The following CFAP92 variants were observed in gnomAD, a reference collection of about 807,000 sequenced individuals.
CFAP92 encodes the protein uncharacterized protein CFAP92.
Under a neutral mutation model 106.3 loss-of-function variants are expected in CFAP92, and 86 were observed. That is an observed-to-expected ratio of 0.81 (90% CI 0.68 to 0.97). CFAP92 has a LOEUF of 0.97. Ranked by LOEUF, CFAP92 falls within the 50% of genes least tolerant of loss-of-function variation. The pLI is 0.00. For missense variants in CFAP92, 1,204 were observed against 1,283.8 expected (o/e 0.94, Z 0.95); for synonymous variants, 477 against 506.4 (o/e 0.94, Z 0.78).
intron 9 of CFAP92, among the ~76,000 whole-genome samples, chr3:128,951,515 A>C (rs1940802462): frequency 6.6e-6 from 1 of 152,184 alleles, no homozygotes. Flanking sequence ...ATATAAAAAA[A>C]AAATACAAAG....
chr3:129,010,476 T>C, the CFAP92 span, among the ~76,000 whole-genome samples: 9 of 148,510 alleles, frequency 6.1e-5, no homozygotes, highest in East Asian at 1.8e-3. This position sits in a 1 kb window ranked among gnomAD's most constrained non-coding sequence, Gnocchi z 4.3. Context: ...GGCTTTGTTG[T>C]TGGGGGAGGG....
chr3:128,961,938 G>A (rs1319048511), intron 9 of CFAP92, among the ~76,000 whole-genome samples: 18 of 152,238 alleles, frequency 1.2e-4, no homozygotes, highest in East Asian at 7.7e-4. Context: ...GAACCGCAGT[G>A]GCCAGGTGTT....
the CFAP92 span, among the ~76,000 whole-genome samples, chr3:129,011,960 G>A: frequency 1.3e-5 from 2 of 152,224 alleles, no homozygotes; most frequent in Non-Finnish European, 2.9e-5. Context: ...TAAATCAGGG[G>A]CACAGCCAGG....
Position 128,915,378 on chromosome 3 carries a change from T to G in CFAP92, c.3102A>C (p.Pro1034=). ...TESSFQDLKL[P]PIKELNEEWK... ...GGACCTCATTCAGCTCTTTGATGGGTGGCAGCTTGAGATCCTGAAAGCTGC... is the reference window on the plus strand; with the variant it reads ...GGACCTCATTCAGCTCTTTGATGGGGGGCAGCTTGAGATCCTGAAAGCTGC... Residue 1034 remains proline, a synonymous_variant, in exon 14 of 16, where the codon CCA becomes CCC. Coordinates refer to ENST00000645291, the MANE Select transcript of CFAP92 (RefSeq NM_001394090.1). 1 of 1,536,132 alleles carries G rather than the reference T, an allele frequency of 6.5e-7. No homozygotes were observed. Among genetic ancestry groups the G allele is most frequent in the South Asian group, 1.2e-5 (1 of 84,060 alleles).
intron 6 of CFAP92, 100 bp from the exon 7 acceptor site, chr3:128,976,003 T>A: frequency 2.4e-6 from 3 of 1,228,390 alleles, no homozygotes; most frequent in African/African-American, 1.5e-5. Flanking sequence ...GCAGATTTTT[T>A]AAAAACCTCA....
rs201120839 is a variant in CFAP92 at position 128,947,906 on chromosome 3, G to GA, written c.1354-1932dup. Among the ~76,000 whole-genome samples, 72 of 146,354 alleles carry GA rather than the reference G, an allele frequency of 4.9e-4. 1 individual carries two copies. The South Asian group carries it at 0.012, about 24-fold the overall frequency. Reference sequence around the variant, plus strand: ...CTATTAAAGCATTGAGAAGAAAACAGAAAAAAAAAATCCTTCTGACCAGGG... The same window carrying GA: ...CTATTAAAGCATTGAGAAGAAAACAGAAAAAAAAAAATCCTTCTGACCAGGG... On this transcript the variant is annotated intron_variant, in intron 9 of 15. Coordinates refer to ENST00000645291, the MANE Select transcript of CFAP92 (RefSeq NM_001394090.1).
At chr3:128,926,104 A>C (rs1217971567) in intron 12 of CFAP92, among the ~76,000 whole-genome samples, 1 of 152,280 alleles carries the variant, frequency 6.6e-6, no homozygotes, top group Non-Finnish European at 1.5e-5. Context: ...AACTAGATTT[A>C]TTTTAAATGG....
In CFAP92 at chr3:128,975,770, C is replaced by A; in HGVS notation, c.1021+9G>T. ...TATTATAAAATTCCCAAATCCTATC[C>A]TAACTTACTTTGAGACCTTTGTCTG... On this transcript the variant is annotated intron_variant, in intron 7 of 15. Coordinates refer to ENST00000645291, the MANE Select transcript of CFAP92 (RefSeq NM_001394090.1). The A allele has an allele frequency of 6.3e-7, 1 of 1,574,988 alleles. No individual in the cohort carries two copies. The highest frequency in any genetic ancestry group is 1.2e-5 in the South Asian group (1 of 83,998).
chr3:128,942,353 A>C (rs752320651), intron 10 of CFAP92, among the ~76,000 whole-genome samples: 5 of 152,216 alleles, frequency 3.3e-5, no homozygotes, highest in Non-Finnish European at 7.3e-5. Context: ...ATGCAAGCAC[A>C]CTGCAGCCAG....
chr3:128,979,947 A>AATAATATATAT (rs1553758976), intron 4 of CFAP92, among the ~76,000 whole-genome samples: 15 of 128,302 alleles, frequency 1.2e-4, no homozygotes, highest in African/African-American at 4.2e-4. Context: ...AAAGTATAAT[A>AATAATATATAT]ATATATATAT....
chr3:128,958,971 G>A (rs543006769), intron 9 of CFAP92, among the ~76,000 whole-genome samples: 29 of 152,318 alleles, frequency 1.9e-4, no homozygotes, highest in African/African-American at 7.0e-4. Flanking sequence ...AACACTTTGG[G>A]AGGCCAAGGC....
intron 1 of CFAP92, among the ~76,000 whole-genome samples, chr3:128,999,474 G>A (rs1393683996): frequency 6.7e-6 from 1 of 150,152 alleles, no homozygotes; most frequent in African/African-American, 2.5e-5. Flanking sequence ...TGGGGAGGGT[G>A]TTGCACTCTT....
chr3:128,957,340 A>C (rs1193858603), intron 9 of CFAP92, among the ~76,000 whole-genome samples: 2 of 151,256 alleles, frequency 1.3e-5, no homozygotes, highest in Non-Finnish European at 2.9e-5. Flanking sequence ...TGTAGAGGAA[A>C]TATTTAGGGA....
chr3:128,965,695 C>T lies in CFAP92; in HGVS notation c.1169G>A (p.Gly390Glu). 2.5e-6 allele frequency: 1 copy of T among 398,740 alleles called. No individual in the cohort carries two copies. Among genetic ancestry groups the T allele is most frequent in the Non-Finnish European group, 4.4e-6 (1 of 226,008 alleles). The allele number at this position is 398,740 out of a possible 1,614,324, so 24.7% of individuals were successfully genotyped here. ...GCCACGACTCACGACAGTTTGCCATCCTGGGGGAAATACACCCAGCATTAG... is the reference window on the plus strand; with the variant it reads ...GCCACGACTCACGACAGTTTGCCATTCTGGGGGAAATACACCCAGCATTAG... ...IQLAVMPLLA[G>E]WQTVVSRGSE... Residue 390 changes from glycine to glutamate, a missense_variant and splice_region_variant, in exon 9 of 16, where the codon GGA (glycine) becomes GAA (glutamate). Physicochemically the swap from Gly to Glu is moderately conservative, Grantham distance 98. Transcript: ENST00000645291.
Position 128,965,579 on chromosome 3 carries a change from G to T in CFAP92, c.1285C>A (p.Pro429Thr). The change falls in exon 9 of 16, where the codon CCC becomes ACC. Residue 429 changes from proline to threonine, a missense_variant. Coordinates refer to ENST00000645291, the MANE Select transcript of CFAP92 (RefSeq NM_001394090.1). ...MTEEQKQDLN[P>T]LTIKIKCASC... is the part of the protein sequence containing the mutation. ...GCACACTTGATCTTTATGGTCAGGG[G>T]ATTTAAATCCTGCTTTTGCTCCTCG... The T allele has an allele frequency of 2.5e-6, 1 of 398,988 alleles. No homozygotes were observed. 24.7% of individuals were successfully genotyped at this position (398,988 alleles called of 1,614,324 possible). A position where few individuals can be genotyped will look rare whatever the true frequency, so the allele number is the denominator to read the frequency against.
At chr3:128,916,067 G>A in intron 13 of CFAP92, 40 bp downstream of exon 13, 1 of 1,226,124 alleles carries the variant, frequency 8.2e-7, no homozygotes, top group Non-Finnish European at 1.0e-6. Flanking sequence ...AAGAACTCAT[G>A]GGATTTGCCA....
At position 128,978,199 on chromosome 3, in the gene CFAP92, G is replaced by T; in HGVS notation, c.668-14C>A. 6.2e-7 allele frequency: 1 copy of T among 1,609,306 alleles called. No individual in the cohort carries two copies. Among genetic ancestry groups the T allele is most frequent in the South Asian group, 1.1e-5 (1 of 90,398 alleles). On this transcript the variant is annotated splice_polypyrimidine_tract_variant and intron_variant, in intron 4 of 15. Coordinates refer to ENST00000645291, the MANE Select transcript of CFAP92 (RefSeq NM_001394090.1). ...AATGTCTCACTTCTAGAATGCAGGA[G>T]AAGAAAGGATCATTGACTCAATCAA...
intron 1 of CFAP92, chr3:129,002,217 T>C: frequency 2.6e-6 from 4 of 1,528,772 alleles, no homozygotes; most frequent in Non-Finnish European, 2.6e-6. Flanking sequence ...CGGTCCTGAC[T>C]GTGAGCGCGT....
chr3:129,000,879 T>C (rs1175778536), intron 1 of CFAP92, among the ~76,000 whole-genome samples: 2 of 152,182 alleles, frequency 1.3e-5, no homozygotes, highest in Non-Finnish European at 2.9e-5. Context: ...TCAGATGGGC[T>C]TCTCACCAGC....
Sources: gnomAD v4.1 joint callset for allele counts (sites outside exome capture counted in the v4.1 genomes callset) on GRCh38, gnomAD v4.1.1 for gene constraint, Gnocchi (gnomAD v3.1) non-coding constraint, MANE v1.5 for transcripts, NCBI Gene and HGNC (gene_info 2026-07-23, HGNC 2026-07-21) for gene names.